The following PDE8B variants were observed in gnomAD, a reference collection of about 807,000 sequenced individuals.
PDE8B encodes the protein phosphodiesterase 8B.
A neutral mutation model predicts 101.3 loss-of-function variants in PDE8B; 26 were observed. That is an observed-to-expected ratio of 0.26 (90% CI 0.19 to 0.36). PDE8B has a LOEUF of 0.36. Ranked by LOEUF, PDE8B falls within the 10% of genes least tolerant of loss-of-function variation. The pLI, the probability that PDE8B is intolerant of heterozygous loss-of-function variation, is 1.00. For missense variants in PDE8B, 810 were observed against 1,163.1 expected (o/e 0.70, Z 4.42); for synonymous variants, 424 against 429.3 (o/e 0.99, Z 0.15).
intron 1 of PDE8B, among the ~76,000 whole-genome samples, chr5:77,286,093 A>G (rs1765953822): frequency 6.6e-6 from 1 of 151,960 alleles, no homozygotes; most frequent in Non-Finnish European, 1.5e-5. Context: ...TTCTTAGGTG[A>G]TGTGATTTGG....
intron 1 of PDE8B, among the ~76,000 whole-genome samples, chr5:77,282,306 A>G (rs1434304475): frequency 6.6e-6 from 1 of 151,912 alleles, no homozygotes; most frequent in Admixed American, 6.6e-5. Context: ...GAGCTTATTC[A>G]GCTCTCTCCC....
rs70988672 is a variant in PDE8B at position 77,398,318 on chromosome 5, CTTT to C, written c.1168-1911_1168-1909del. 4.8e-3 allele frequency among the ~76,000 whole-genome samples: 557 copies of C among 115,982 alleles called. 5 individuals are homozygous for C. The highest frequency in any genetic ancestry group is 0.017 in the African/African-American group (451 of 26,916). The allele number at this position is 115,982 out of a possible 152,430, so 76.1% of individuals were successfully genotyped here. A position where few individuals can be genotyped will look rare whatever the true frequency, so the allele number is the denominator to read the frequency against. ...TGTAATTCCTAATCAAGCTGTTTTACTTTTTTTTTTTTTTTTTTTTTGAAATGG... is the reference window on the plus strand; with the variant it reads ...TGTAATTCCTAATCAAGCTGTTTTACTTTTTTTTTTTTTTTTTTGAAATGG... On this transcript the variant is annotated intron_variant, in intron 10 of 21. Transcript: ENST00000264917.
At chr5:77,138,062 A>T in the PDE8B span, among the ~76,000 whole-genome samples, 1 of 152,076 alleles carries the variant, frequency 6.6e-6, no homozygotes, top group African/African-American at 2.4e-5. Flanking sequence ...TAACTTCCCT[A>T]CTCCCCTTGG....
intron 5 of PDE8B, among the ~76,000 whole-genome samples, chr5:77,334,357 CTA>C (rs761574185): frequency 1.3e-5 from 2 of 152,210 alleles, no homozygotes; most frequent in Non-Finnish European, 2.9e-5. Flanking sequence ...AAGCAGCCGA[CTA>C]TATAGATGCT....
chr5:77,419,621 C>A, intron 18 of PDE8B, 146 bp from the exon 19 acceptor site: 3 of 875,812 alleles, frequency 3.4e-6, no homozygotes, highest in Admixed American at 1.9e-5. Context: ...ACTGGGAGGA[C>A]GAGCTCTTCT....
At chr5:77,321,325 A>G (rs1411550893) in intron 2 of PDE8B, among the ~76,000 whole-genome samples, 3 of 151,658 alleles carry the variant, frequency 2.0e-5, no homozygotes, top group Non-Finnish European at 4.4e-5. Context: ...CTAATTTTGT[A>G]TTTTTGGTAG....
At chr5:77,318,555 G>T (rs951066779) in intron 2 of PDE8B, among the ~76,000 whole-genome samples, 7 of 152,132 alleles carry the variant, frequency 4.6e-5, no homozygotes, top group African/African-American at 1.7e-4. Context: ...ACTCCAAAGA[G>T]TTTCTCTAAC....
At chr5:77,216,369 A>G (rs1208166810) in intron 1 of PDE8B, among the ~76,000 whole-genome samples, 1 of 152,208 alleles carries the variant, frequency 6.6e-6, no homozygotes, top group Non-Finnish European at 1.5e-5. Context: ...GAGGCCTCAC[A>G]ATCATGGCCA....
chr5:77,227,737 T>C (rs771577685), intron 1 of PDE8B, among the ~76,000 whole-genome samples: 2 of 152,122 alleles, frequency 1.3e-5, no homozygotes, highest in South Asian at 2.1e-4. Context: ...GGGTCAAATA[T>C]GCAGAAACTT....
At chr5:77,128,715 A>T in the PDE8B span, among the ~76,000 whole-genome samples, 7 of 152,240 alleles carry the variant, frequency 4.6e-5, no homozygotes, top group Admixed American at 1.3e-4. Context: ...AGCACACGAA[A>T]CATCATCAGC....
chr5:77,274,417 G>GACTGACATATTCATTCATTCC, intron 1 of PDE8B, among the ~76,000 whole-genome samples: 1 of 152,234 alleles, frequency 6.6e-6, no homozygotes, highest in Non-Finnish European at 1.5e-5. Context: ...CCATTCATAA[G>GACTGACATATTCATTCATTCC]ACTGACATAT....
At chr5:77,349,636 C>T in intron 8 of PDE8B, 77 bp downstream of exon 8, 1 of 1,483,820 alleles carries the variant, frequency 6.7e-7, no homozygotes, top group Non-Finnish European at 9.4e-7. Context: ...GAATTTCATC[C>T]TTAAGATTAG....
chr5:77,131,638 G>T, the PDE8B span, among the ~76,000 whole-genome samples: 211 of 152,284 alleles, frequency 1.4e-3, 1 homozygote, highest in African/African-American at 4.9e-3. Flanking sequence ...TTCACTATTT[G>T]CTGGAGCCTT....
At chr5:77,218,103 A>G (rs1750205183) in intron 1 of PDE8B, among the ~76,000 whole-genome samples, 1 of 152,222 alleles carries the variant, frequency 6.6e-6, no homozygotes, top group South Asian at 2.1e-4. Context: ...CTGTAATAAA[A>G]ATCAAGGAAC....
At chr5:77,117,613 G>A in the PDE8B span, among the ~76,000 whole-genome samples, 1 of 152,134 alleles carries the variant, frequency 6.6e-6, no homozygotes. Flanking sequence ...GGGTCCACCA[G>A]TTCCGGAGAT....
At chr5:77,254,161 G>A (rs1202840157) in intron 1 of PDE8B, among the ~76,000 whole-genome samples, 1 of 151,882 alleles carries the variant, frequency 6.6e-6, no homozygotes, top group East Asian at 1.9e-4. Flanking sequence ...AAAAGAATCT[G>A]GTTGCTAAGC....
chr5:77,270,101 T>C (rs914138319), intron 1 of PDE8B, among the ~76,000 whole-genome samples: 2 of 152,248 alleles, frequency 1.3e-5, no homozygotes, highest in Non-Finnish European at 2.9e-5. Flanking sequence ...TTATAATCCA[T>C]GGACATGGAA....
chr5:77,217,203 C>T (rs545997659), intron 1 of PDE8B, among the ~76,000 whole-genome samples: 5 of 152,250 alleles, frequency 3.3e-5, no homozygotes, highest in Admixed American at 2.0e-4. Context: ...TGCCTGCTGT[C>T]CTTCTCCCTA....
chr5:77,198,815 T>C, the PDE8B span, among the ~76,000 whole-genome samples: 2 of 149,130 alleles, frequency 1.3e-5, no homozygotes, highest in Admixed American at 6.7e-5. Context: ...AATGCTGTTC[T>C]ATTTGAAGAT....
Sources: gnomAD v4.1 joint callset for allele counts (sites outside exome capture counted in the v4.1 genomes callset) on GRCh38, gnomAD v4.1.1 for gene constraint, MANE v1.5 for transcripts, NCBI Gene and HGNC (gene_info 2026-07-23, HGNC 2026-07-21) for gene names.